The following ITGB1 variants were observed in gnomAD, a reference collection of about 807,000 sequenced individuals.
The protein encoded by ITGB1 is integrin beta-1.
Under a neutral mutation model 86.5 loss-of-function variants are expected in ITGB1, and 24 were observed. The ratio of observed to expected loss-of-function variants is 0.28; its 90% CI spans 0.20 to 0.39. ITGB1 has a LOEUF of 0.39. ITGB1 is among the 10% of genes least tolerant of loss of function. ITGB1 has a pLI of 1.00. For synonymous variants in ITGB1, 323 were observed against 316.8 expected, an observed-to-expected ratio of 1.02 and a Z score of -0.21; for missense variants, 556 against 946.9, an observed-to-expected ratio of 0.59 and a Z score of 5.42.
intron 1 of ITGB1, among the ~76,000 whole-genome samples, chr10:32,945,253 C>G (rs562227678): frequency 6.6e-6 from 1 of 151,962 alleles, no homozygotes; most frequent in Non-Finnish European, 1.5e-5. Context: ...TTTTAAAACA[C>G]GTTAGAGCAA....
chr10:32,933,727 A>C (rs1270555565), intron 2 of ITGB1: 3 of 152,166 alleles, frequency 2.0e-5, no homozygotes, highest in African/African-American at 7.2e-5. Flanking sequence ...ATATATATTA[A>C]TACATGTATT....
chr10:32,903,735 A>G (rs1382661921), intron 15 of ITGB1, among the ~76,000 whole-genome samples: 1 of 152,222 alleles, frequency 6.6e-6, no homozygotes, highest in Admixed American at 6.5e-5. Context: ...TCTCAGCTCT[A>G]GTCCCAACTG....
intron 7 of ITGB1, 24 bp from the exon 8 acceptor site, chr10:32,922,759 T>C: frequency 1.5e-6 from 2 of 1,352,644 alleles, no homozygotes; most frequent in Non-Finnish European, 2.1e-6. Flanking sequence ...TAATATAATT[T>C]AGTATTTAAA....
Position 32,901,269 on chromosome 10 carries a change from T to C in ITGB1, c.*301A>G. 1 of 266,384 alleles carries C rather than the reference T, an allele frequency of 3.8e-6. No homozygotes were observed. Among genetic ancestry groups the C allele is most frequent in the Non-Finnish European group, 6.9e-6 (1 of 145,056 alleles). The allele number at this position is 266,384 out of a possible 1,614,324, so 16.5% of individuals were successfully genotyped here. On this transcript the variant is annotated 3_prime_UTR_variant, in exon 16 of 16. Transcript: ENST00000302278. ...TTAACTATTGCCCTTTCAATCGCTA[T>C]AGAAATATCACTTAATCCAATAAGC...
chr10:32,907,145 TAAAGTA>T (rs2094898867), intron 15 of ITGB1: 1 of 1,262,528 alleles, frequency 7.9e-7, no homozygotes, highest in Admixed American at 1.9e-5. Flanking sequence ...ATTTTCTTGC[TAAAGTA>T]AAAGAAATAG....
intron 9 of ITGB1, 132 bp from the exon 10 acceptor site, chr10:32,920,517 AC>A: frequency 1.4e-6 from 1 of 695,450 alleles, no homozygotes; most frequent in Middle Eastern, 3.0e-4. Context: ...CAATTGAGTA[AC>A]TAGAAAACAC....
chr10:32,904,228 TA>T (rs1217163546), intron 15 of ITGB1, among the ~76,000 whole-genome samples: 1 of 152,142 alleles, frequency 6.6e-6, no homozygotes, highest in African/African-American at 2.4e-5. Context: ...TAAATGAAGG[TA>T]AACTAAAATA....
intron 15 of ITGB1, 24 bp from the exon 16 acceptor site, chr10:32,901,659 A>C: frequency 6.9e-7 from 1 of 1,457,400 alleles, no homozygotes; most frequent in South Asian, 1.2e-5. Flanking sequence ...AAAGTGAGAA[A>C]AATTATCAGT....
chr10:32,902,543 A>T (rs1159431578), intron 15 of ITGB1, among the ~76,000 whole-genome samples: 1 of 152,234 alleles, frequency 6.6e-6, no homozygotes, highest in Non-Finnish European at 1.5e-5. Flanking sequence ...ATAACACTTA[A>T]TCAGAGAAAA....
At chr10:32,950,080 A>T (rs1187069) in intron 1 of ITGB1, among the ~76,000 whole-genome samples, 5 of 152,110 alleles carry the variant, frequency 3.3e-5, no homozygotes, top group African/African-American at 1.2e-4. Flanking sequence ...AGATTCTGAT[A>T]CCTATAGAGG....
In ITGB1 at chr10:32,906,408, G is replaced by A. The variant is rs1035845414; in HGVS notation, c.2331+1960C>T. 82 of 182,054 alleles carry A rather than the reference G, an allele frequency of 4.5e-4. 1 individual carries two copies. Among genetic ancestry groups the A allele is most frequent in the Non-Finnish European group, 1.9e-4 (16 of 83,226 alleles). 11.3% of individuals were successfully genotyped at this position (182,054 alleles called of 1,614,324 possible). A position where few individuals can be genotyped will look rare whatever the true frequency, so the allele number is the denominator to read the frequency against. ...AGTTCAAGGCCAGCCCAGCCAATGT[G>A]GTGAAACCCCATCTCTACTAAAAAC... On this transcript the variant is annotated intron_variant, in intron 15 of 15. Transcript: ENST00000302278.
At chr10:32,916,527 G>A (rs1376576197) in intron 11 of ITGB1, among the ~76,000 whole-genome samples, 1 of 152,048 alleles carries the variant, frequency 6.6e-6, no homozygotes, top group African/African-American at 2.4e-5. Context: ...AAAAATCACA[G>A]GCATTCCTGT....
intron 11 of ITGB1, among the ~76,000 whole-genome samples, chr10:32,913,569 G>C (rs1022644627): frequency 1.3e-5 from 2 of 152,150 alleles, no homozygotes; most frequent in Admixed American, 6.5e-5. Context: ...AAGGATATCA[G>C]TGATTGAAGA....
intron 7 of ITGB1, among the ~76,000 whole-genome samples, chr10:32,923,162 G>A (rs910797162): frequency 2.6e-5 from 4 of 152,170 alleles, no homozygotes; most frequent in Non-Finnish European, 5.9e-5. Flanking sequence ...TTTACCATTT[G>A]GATTTCTTCT....
chr10:32,925,138 C>A (rs2094960893), intron 6 of ITGB1, among the ~76,000 whole-genome samples: 1 of 152,090 alleles, frequency 6.6e-6, no homozygotes, highest in African/African-American at 2.4e-5. Flanking sequence ...AAAAATGAGA[C>A]AAGAGTAGGT....
At chr10:32,953,163 T>G (rs2095045838) in intron 1 of ITGB1, among the ~76,000 whole-genome samples, 1 of 152,204 alleles carries the variant, frequency 6.6e-6, no homozygotes, top group Admixed American at 6.5e-5. Flanking sequence ...AGGCCTCATC[T>G]CCTACACAAC....
chr10:32,944,422 G>C, intron 1 of ITGB1: 1 of 318,154 alleles, frequency 3.1e-6, no homozygotes. Flanking sequence ...CAGCAGCCGT[G>C]ATCATGGGGG....
intron 11 of ITGB1, among the ~76,000 whole-genome samples, chr10:32,918,481 A>G (rs1244187107): frequency 6.6e-6 from 1 of 152,208 alleles, no homozygotes; most frequent in Non-Finnish European, 1.5e-5. Context: ...GCCACAAGTC[A>G]CAGTCGTGTA....
At chr10:32,916,688 A>T (rs72468120) in intron 11 of ITGB1, among the ~76,000 whole-genome samples, 1 of 152,112 alleles carries the variant, frequency 6.6e-6, no homozygotes, top group African/African-American at 2.4e-5. Flanking sequence ...AACGAAATAA[A>T]AGAGGACTCA....
Sources: gnomAD v4.1 joint callset for allele counts (sites outside exome capture counted in the v4.1 genomes callset) on GRCh38, gnomAD v4.1.1 for gene constraint, MANE v1.5 for transcripts, NCBI Gene and HGNC (gene_info 2026-07-23, HGNC 2026-07-21) for gene names.